Variants in BMP8A observed in about 807,000 individuals in gnomAD.
BMP8A encodes bone morphogenetic protein 8a.
In BMP8A, 14 loss-of-function variants were observed where a neutral mutation model predicts 36.8. The observed-to-expected ratio is 0.38, with a 90% CI of 0.25 to 0.60. BMP8A has a LOEUF of 0.60. Among genes scored for constraint, BMP8A ranks in the 20% least tolerant of loss-of-function variants. The probability of loss-of-function intolerance (pLI) is 0.63; values close to 1 mark genes in which losing one functional copy is unlikely to be tolerated. For missense variants in BMP8A, 267 were observed against 551.1 expected, an observed-to-expected ratio of 0.48 and a Z score of 5.16; for synonymous variants, 120 against 237.7, an observed-to-expected ratio of 0.50 and a Z score of 4.55.
chr1:39,496,140 A>G (rs1487375659), intron 1 of BMP8A, among the ~76,000 whole-genome samples: 31 of 152,010 alleles, frequency 2.0e-4, no homozygotes, highest in Admixed American at 1.3e-4. Flanking sequence ...TTGGTTCTTT[A>G]CCAGGGACCT....
intron 1 of BMP8A, among the ~76,000 whole-genome samples, chr1:39,500,506 G>A (rs1348875345): frequency 6.6e-6 from 1 of 151,948 alleles, no homozygotes; most frequent in African/African-American, 2.4e-5. Flanking sequence ...CCACAGTTGA[G>A]AAACCTGTTC....
rs573325135 is a variant in BMP8A, at chr1:39,515,655, A to G, written c.673+3751A>G. 32 of 1,574,146 alleles carry G rather than the reference A, an allele frequency of 2.0e-5. 1 individual carries two copies. In the East Asian group the frequency reaches 6.7e-4, roughly 33 times the overall value. On this transcript the variant is annotated intron_variant, in intron 3 of 6. Transcript: ENST00000331593. ...AAGCGCCCGCAATTTCAACGTGCCC[A>G]TGTGCAAAGCTGCAGACGTCACGGC...
Position 39,495,367 on chromosome 1 carries a change from C to A in BMP8A, c.334+3042C>A, listed in dbSNP as rs56052989. On this transcript the variant is annotated intron_variant, in intron 1 of 6. Coordinates refer to ENST00000331593, the MANE Select transcript of BMP8A (RefSeq NM_181809.4). The stretch of plus-strand genomic sequence containing the variant: ...TGCGTCCTGATGTTCAGAGCCTGCA[C>A]TGGGAGGCCAGGGCTGGGGTCAGAG... 5.6e-3 allele frequency among the ~76,000 whole-genome samples: 853 copies of A among 151,940 alleles called. 13 individuals are homozygous for A. The highest frequency in any genetic ancestry group is 0.018 in the African/African-American group (751 of 41,422).
intron 1 of BMP8A, among the ~76,000 whole-genome samples, chr1:39,506,146 A>G (rs2124341436): frequency 6.6e-6 from 1 of 152,256 alleles, no homozygotes; most frequent in Non-Finnish European, 1.5e-5. Context: ...TATTAGTAGG[A>G]CAGTTAGTAA....
At chr1:39,500,204 C>T (rs965613213) in intron 1 of BMP8A, among the ~76,000 whole-genome samples, 2 of 152,242 alleles carry the variant, frequency 1.3e-5, no homozygotes, top group East Asian at 1.9e-4. Context: ...CTTCACACAA[C>T]TGGTTCCTTC....
rs781338426 is a variant in BMP8A, at chr1:39,522,989, T to A, written c.949-18T>A. ...GAGGAGCACATGGATGGGACTCACCTTCTCCCTTGCCCCCCAGGACTGGGT... is the reference window on the plus strand; with the variant it reads ...GAGGAGCACATGGATGGGACTCACCATCTCCCTTGCCCCCCAGGACTGGGT... On this transcript the variant is annotated intron_variant, in intron 5 of 6. Coordinates refer to ENST00000331593, the MANE Select transcript of BMP8A (RefSeq NM_181809.4). 5 of 1,586,572 alleles carry A rather than the reference T, an allele frequency of 3.2e-6. No homozygotes were observed. The East Asian group carries it at 1.1e-4, about 35-fold the overall frequency.
Position 39,491,962 on chromosome 1 carries a change from T to C in BMP8A, c.-30T>C. On this transcript the variant is annotated 5_prime_UTR_variant, in exon 1 of 7. An upstream start codon of the reference 5' UTR is lost. Coordinates refer to ENST00000331593, the MANE Select transcript of BMP8A (RefSeq NM_181809.4). ...GGCCCAGGGGCGGCGGCGGAGCTGA[T>C]GTGCGCCCGCTGAGCGCCCCCGGCC... 1 of 1,069,904 alleles carries C rather than the reference T, an allele frequency of 9.3e-7. No homozygotes were observed. The highest frequency in any genetic ancestry group is 1.1e-6 in the Non-Finnish European group (1 of 885,276). 66.3% of individuals were successfully genotyped at this position (1,069,904 alleles called of 1,614,324 possible). A position where few individuals can be genotyped will look rare whatever the true frequency, so the allele number is the denominator to read the frequency against.
chr1:39,499,527 G>C (rs1033464433), intron 1 of BMP8A, among the ~76,000 whole-genome samples: 1 of 152,242 alleles, frequency 6.6e-6, no homozygotes, highest in Non-Finnish European at 1.5e-5. Flanking sequence ...CACAAAAATA[G>C]CCAGAGCCCT....
At position 39,507,908 on chromosome 1, in the gene BMP8A, C is replaced by T. The variant is rs1158336797; in HGVS notation, c.335-3266C>T. 6.6e-5 allele frequency among the ~76,000 whole-genome samples: 10 copies of T among 152,264 alleles called. No homozygotes were observed. The South Asian group carries it at 2.1e-3, about 32-fold the overall frequency. On this transcript the variant is annotated intron_variant, in intron 1 of 6. Coordinates refer to ENST00000331593, the MANE Select transcript of BMP8A (RefSeq NM_181809.4). ...AGATCAGGCAGGTGAAAAGGAGGCA[C>T]CCAGAAGTTGAACTGATAGATTTCT...
rs78700859 is a variant in BMP8A, at chr1:39,502,363, T to G, written c.335-8811T>G. ...ATACAGATGTGTGTTTTTGCACACATTAATGTACACACATATATTTCCTAG... is the reference window on the plus strand; with the variant it reads ...ATACAGATGTGTGTTTTTGCACACAGTAATGTACACACATATATTTCCTAG... On this transcript the variant is annotated intron_variant, in intron 1 of 6. Transcript: ENST00000331593. Among the ~76,000 whole-genome samples, 194 of 152,300 alleles carry G rather than the reference T, an allele frequency of 1.3e-3. 1 individual carries two copies. The East Asian group carries it at 0.033, about 26-fold the overall frequency.
At chr1:39,509,236 G>A (rs1366696061) in intron 1 of BMP8A, among the ~76,000 whole-genome samples, 1 of 152,230 alleles carries the variant, frequency 6.6e-6, no homozygotes, top group Admixed American at 6.5e-5. Flanking sequence ...ACTGTCGCAT[G>A]CCCTGTGACA....
At chr1:39,515,412 C>T (rs1645387868) in intron 3 of BMP8A, 3 of 795,454 alleles carry the variant, frequency 3.8e-6, no homozygotes, top group Non-Finnish European at 5.6e-6. Flanking sequence ...CGCCGGGGTG[C>T]CCGCCTTCTA....
chr1:39,526,628 G>A lies in BMP8A; in HGVS notation c.*830G>A, dbSNP rs908174406. Among the ~76,000 whole-genome samples, 7 of 152,036 alleles carry A rather than the reference G, an allele frequency of 4.6e-5. No individual in the cohort carries two copies. The highest frequency in any genetic ancestry group is 1.9e-4 in the East Asian group (1 of 5,182). ...GTTGGGATGACAGGCATGAGCCACCGTGCCTGGCCACTGGGGATATTTTAT... is the reference window on the plus strand; with the variant it reads ...GTTGGGATGACAGGCATGAGCCACCATGCCTGGCCACTGGGGATATTTTAT... On this transcript the variant is annotated 3_prime_UTR_variant, in exon 7 of 7. Transcript: ENST00000331593.
At chr1:39,497,187 C>G (rs545203132) in intron 1 of BMP8A, among the ~76,000 whole-genome samples, 2 of 152,154 alleles carry the variant, frequency 1.3e-5, no homozygotes, top group East Asian at 3.8e-4. Context: ...TATGGACATT[C>G]GGGTTGTTCT....
intron 3 of BMP8A, chr1:39,514,884 G>A (rs1456901619): frequency 7.1e-7 from 1 of 1,401,380 alleles, no homozygotes; most frequent in African/African-American, 1.6e-5. Context: ...CGCCCGCCCT[G>A]CTCTGTGACG....
Position 39,525,813 on chromosome 1 carries a change from C to A in BMP8A, c.*15C>A, listed in dbSNP as rs763161735. On this transcript the variant is annotated 3_prime_UTR_variant, in exon 7 of 7. Transcript: ENST00000331593. ...GCTGCCACTGAGTCAGCCCGCCCAGCCCTACTGCAGCCACCCTTCTCATCT... is the reference window on the plus strand; with the variant it reads ...GCTGCCACTGAGTCAGCCCGCCCAGACCTACTGCAGCCACCCTTCTCATCT... The A allele has an allele frequency of 6.8e-6, 11 of 1,613,442 alleles. No individual in the cohort carries two copies. Among genetic ancestry groups the A allele is most frequent in the Non-Finnish European group, 8.5e-6 (10 of 1,180,012 alleles).
Position 39,528,958 on chromosome 1 carries a change from A to G in BMP8A, c.*3160A>G, listed in dbSNP as rs968249688. ...GGCCAGTCTTGAACTCCTGAGCTCAAGCAATCCTCCTGCCTCAGCCTCCCA... is the reference window on the plus strand; with the variant it reads ...GGCCAGTCTTGAACTCCTGAGCTCAGGCAATCCTCCTGCCTCAGCCTCCCA... On this transcript the variant is annotated 3_prime_UTR_variant, in exon 7 of 7. Transcript: ENST00000331593. 3 of 152,288 alleles carry G rather than the reference A, an allele frequency of 2.0e-5. No homozygotes were observed. Among genetic ancestry groups the G allele is most frequent in the African/African-American group, 7.2e-5 (3 of 41,444 alleles). 9.4% of individuals were successfully genotyped at this position (152,288 alleles called of 1,614,324 possible).
chr1:39,508,619 CAG>C (rs1473564873), intron 1 of BMP8A, among the ~76,000 whole-genome samples: 1 of 152,210 alleles, frequency 6.6e-6, no homozygotes, highest in Non-Finnish European at 1.5e-5. Flanking sequence ...TGAACCTTCA[CAG>C]GGGAAAATCT....
rs753596465 is a variant in BMP8A, at chr1:39,523,051, G to T, written c.993G>T (p.Glu331Asp). 9.3e-6 allele frequency: 15 copies of T among 1,613,672 alleles called. No individual in the cohort carries two copies. The Admixed American group carries it at 2.5e-4, about 27-fold the overall frequency. Reference sequence around the variant, plus strand: ...AAGGCTACTCAGCCTATTACTGTGAGGGGGAGTGCTCCTTCCCGCTGGACT... The same window carrying T: ...AAGGCTACTCAGCCTATTACTGTGATGGGGAGTGCTCCTTCCCGCTGGACT... ...APQGYSAYYCEGECSFPLDSC... is the reference protein window; with the variant it reads ...APQGYSAYYCDGECSFPLDSC... The change falls in exon 6 of 7, where the codon GAG (glutamate) becomes GAT (aspartate). Residue 331 changes from glutamate to aspartate, a missense_variant. Transcript: ENST00000331593.
Sources: allele counts gnomAD v4.1 joint callset (sites outside exome capture counted in the v4.1 genomes callset), GRCh38; gene constraint gnomAD v4.1.1; transcripts MANE v1.5; gene names NCBI Gene and HGNC (gene_info 2026-07-23, HGNC 2026-07-21).